HMGCLL1: variants seen among roughly 807,000 people sequenced by gnomAD.
HMGCLL1 encodes the protein 3-hydroxy-3-methylglutaryl-CoA lyase like 1.
HMGCLL1 carries 36 observed loss-of-function variants against 39.1 expected under a neutral mutation model. The ratio of observed to expected loss-of-function variants is 0.92; its 90% CI spans 0.71 to 1.22. The LOEUF (loss-of-function observed/expected upper bound fraction) is 1.22. Ranked by LOEUF, HMGCLL1 falls within the 50% of genes most tolerant of loss-of-function variation. HMGCLL1 has a pLI of 0.00. For synonymous variants in HMGCLL1, 149 were observed against 144.0 expected, an observed-to-expected ratio of 1.03 and a Z score of -0.25; for missense variants, 451 against 416.5, an observed-to-expected ratio of 1.08 and a Z score of -0.72.
Position 55,541,840 on chromosome 6 carries a change from T to G in HMGCLL1, c.190-4A>C. The G allele has an allele frequency of 6.7e-7, 1 of 1,493,226 alleles. No homozygotes were observed. Among genetic ancestry groups the G allele is most frequent in the African/African-American group, 1.4e-5 (1 of 71,338 alleles). 92.5% of individuals were successfully genotyped at this position (1,493,226 alleles called of 1,614,324 possible). A position where few individuals can be genotyped will look rare whatever the true frequency, so the allele number is the denominator to read the frequency against. On this transcript the variant is annotated splice_region_variant and splice_polypyrimidine_tract_variant and intron_variant, in intron 2 of 8. Coordinates refer to ENST00000274901, the MANE Select transcript of HMGCLL1 (RefSeq NM_001042406.2). ...TTATATCTGTAGGAACTATAACCTA[T>G]GAAAACAAAAAATATTTTATAAGTA... is the stretch of plus-strand genomic sequence containing the variant.
the HMGCLL1 span, among the ~76,000 whole-genome samples, chr6:55,650,084 CATATACATATATATATATATATATATAT>C: frequency 2.1e-5 from 1 of 48,042 alleles, no homozygotes; most frequent in South Asian, 8.7e-4. Flanking sequence ...TATACACACA[CATATACATATATATATATATATATATAT>C]ATATATATAT....
intron 7 of HMGCLL1, among the ~76,000 whole-genome samples, chr6:55,444,416 C>A (rs938652660): frequency 6.6e-6 from 1 of 151,980 alleles, no homozygotes; most frequent in Admixed American, 6.6e-5. Context: ...TATAAAGACT[C>A]ATCACAGTAT....
At chr6:55,464,095 A>T (rs1049233938) in intron 7 of HMGCLL1, among the ~76,000 whole-genome samples, 2 of 152,202 alleles carry the variant, frequency 1.3e-5, no homozygotes, top group Non-Finnish European at 2.9e-5. Context: ...AAAGATATGC[A>T]TGTTGAAGGA....
the HMGCLL1 span, among the ~76,000 whole-genome samples, chr6:55,588,716 A>G: frequency 2.6e-5 from 4 of 152,206 alleles, no homozygotes; most frequent in African/African-American, 9.6e-5. Flanking sequence ...AAAAATGATA[A>G]AAGGGATATC....
At chr6:55,654,313 A>G in the HMGCLL1 span, among the ~76,000 whole-genome samples, 5 of 150,988 alleles carry the variant, frequency 3.3e-5, no homozygotes, top group Non-Finnish European at 7.4e-5. Flanking sequence ...TTTATCTTAT[A>G]AAAATTATAT....
chr6:55,592,698 A>G, the HMGCLL1 span, among the ~76,000 whole-genome samples: 1 of 152,104 alleles, frequency 6.6e-6, no homozygotes, highest in Non-Finnish European at 1.5e-5. Flanking sequence ...ACTGGTTTAA[A>G]TAATGGTAAT....
chr6:55,477,216 T>TTTATATATTA (rs1554143196), intron 7 of HMGCLL1, among the ~76,000 whole-genome samples: 1 of 14,268 alleles, frequency 7.0e-5, no homozygotes, highest in African/African-American at 5.7e-4. Context: ...ATATATTATA[T>TTTATATATTA]TATAATATAT....
At chr6:55,608,264 A>G in the HMGCLL1 span, among the ~76,000 whole-genome samples, 6 of 152,174 alleles carry the variant, frequency 3.9e-5, no homozygotes, top group Admixed American at 6.6e-5. Flanking sequence ...TGTTACTTAT[A>G]CAGTTACATA....
Position 55,579,134 on chromosome 6 carries a change from C to T in HMGCLL1, c.-79G>A. The T allele has an allele frequency of 2.7e-6, 3 of 1,118,436 alleles. No individual in the cohort carries two copies. Among genetic ancestry groups the T allele is most frequent in the Non-Finnish European group, 4.0e-6 (3 of 757,414 alleles). 69.3% of individuals were successfully genotyped at this position (1,118,436 alleles called of 1,614,324 possible). A position where few individuals can be genotyped will look rare whatever the true frequency, so the allele number is the denominator to read the frequency against. ...GGGCGGGCACCGCGCTGGGAAACTGCGCCAGCTCGGGAGCGCGCCCCTCCG... is the reference window on the plus strand; with the variant it reads ...GGGCGGGCACCGCGCTGGGAAACTGTGCCAGCTCGGGAGCGCGCCCCTCCG... On this transcript the variant is annotated 5_prime_UTR_variant, in exon 1 of 9. Coordinates refer to ENST00000274901, the MANE Select transcript of HMGCLL1 (RefSeq NM_001042406.2).
the HMGCLL1 span, among the ~76,000 whole-genome samples, chr6:55,602,814 C>G: frequency 2.0e-5 from 3 of 151,972 alleles, no homozygotes; most frequent in Non-Finnish European, 4.4e-5. Context: ...GATTTAAAAT[C>G]TATACATATA....
the HMGCLL1 span, among the ~76,000 whole-genome samples, chr6:55,611,793 T>C: frequency 6.6e-3 from 1,010 of 152,262 alleles, 19 homozygotes; most frequent in African/African-American, 0.022. Flanking sequence ...CTAGGTATGA[T>C]TGAACATATC....
chr6:55,628,972 T>C, the HMGCLL1 span, among the ~76,000 whole-genome samples: 1 of 152,174 alleles, frequency 6.6e-6, no homozygotes, highest in South Asian at 2.1e-4. Context: ...TATGTATTTA[T>C]GAGCAGTGTG....
intron 3 of HMGCLL1, among the ~76,000 whole-genome samples, chr6:55,533,036 C>A (rs1434262998): frequency 6.6e-6 from 1 of 150,980 alleles, no homozygotes; most frequent in Non-Finnish European, 1.5e-5. Flanking sequence ...CAACTTAATC[C>A]CTACTTAAAA....
the HMGCLL1 span, among the ~76,000 whole-genome samples, chr6:55,667,945 T>C: frequency 2.6e-5 from 4 of 151,824 alleles, no homozygotes; most frequent in African/African-American, 9.7e-5. Context: ...GTTTTTTATG[T>C]TTCTTGGTTG....
At chr6:55,599,788 A>C in the HMGCLL1 span, among the ~76,000 whole-genome samples, 2 of 152,172 alleles carry the variant, frequency 1.3e-5, no homozygotes, top group African/African-American at 4.8e-5. Flanking sequence ...AACAATAGAA[A>C]ATTTTGCAGA....
chr6:55,588,037 C>G, the HMGCLL1 span, among the ~76,000 whole-genome samples: 1 of 152,132 alleles, frequency 6.6e-6, no homozygotes, highest in African/African-American at 2.4e-5. Context: ...TTGAACTCAG[C>G]TCTGCATCAA....
At chr6:55,524,029 AGTT>A (rs1384170914) in intron 3 of HMGCLL1, among the ~76,000 whole-genome samples, 1 of 152,012 alleles carries the variant, frequency 6.6e-6, no homozygotes, top group Non-Finnish European at 1.5e-5. Context: ...AAACTGTAGT[AGTT>A]CTTCTAAAAT....
At chr6:55,597,973 G>T in the HMGCLL1 span, among the ~76,000 whole-genome samples, 1 of 152,074 alleles carries the variant, frequency 6.6e-6, no homozygotes, top group Non-Finnish European at 1.5e-5. Flanking sequence ...GATTAGACTG[G>T]TCTGCGTGGC....
the HMGCLL1 span, among the ~76,000 whole-genome samples, chr6:55,623,238 A>G: frequency 6.6e-6 from 1 of 151,118 alleles, no homozygotes; most frequent in East Asian, 1.9e-4. Context: ...CTTCACTTCA[A>G]TTTCATTTAT....
Sources: allele counts gnomAD v4.1 joint callset (sites outside exome capture counted in the v4.1 genomes callset), GRCh38; gene constraint gnomAD v4.1.1; transcripts MANE v1.5; gene names NCBI Gene and HGNC (gene_info 2026-07-23, HGNC 2026-07-21).